Variants in FAM167A observed in about 807,000 individuals in gnomAD.
FAM167A encodes protein FAM167A.
In FAM167A, 23 loss-of-function variants were observed where a neutral mutation model predicts 14.9. The ratio of observed to expected loss-of-function variants is 1.55; its 90% CI spans 1.11 to 2.19. The LOEUF is 2.19. Among genes scored for constraint, FAM167A ranks in the 30% most tolerant of loss-of-function variants. The pLI, the probability that FAM167A is intolerant of heterozygous loss-of-function variation, is 0.00. For missense variants in FAM167A, 401 were observed against 281.5 expected (o/e 1.42, Z -3.04); for synonymous variants, 174 against 117.7 (o/e 1.48, Z -3.10).
intron 1 of FAM167A, among the ~76,000 whole-genome samples, chr8:11,446,190 G>A (rs934021000): frequency 3.3e-5 from 5 of 152,146 alleles, no homozygotes; most frequent in Non-Finnish European, 2.9e-5. Context: ...ATTCCTCTCC[G>A]ACATGGCACG....
intron 1 of FAM167A, among the ~76,000 whole-genome samples, chr8:11,447,774 G>A (rs537585535): frequency 6.6e-5 from 10 of 152,342 alleles, no homozygotes; most frequent in Non-Finnish European, 1.0e-4. Flanking sequence ...GCTTTGTGAC[G>A]CTGGCACATT....
At chr8:11,471,022 G>A (rs114006218), upstream of FAM167A, among the ~76,000 whole-genome samples, 1 of 152,324 alleles carries the variant, frequency 6.6e-6, no homozygotes, top group African/African-American at 2.4e-5. Context: ...GCCACCCGGG[G>A]GCTAGACATG....
At chr8:11,443,773 T>G in intron 2 of FAM167A, 1 of 473,422 alleles carries the variant, frequency 2.1e-6, no homozygotes, top group East Asian at 4.2e-5. Context: ...TAACATGGGT[T>G]CAGGTTCTGC....
At chr8:11,436,712 G>T (rs189585469) in intron 2 of FAM167A, among the ~76,000 whole-genome samples, 2 of 152,188 alleles carry the variant, frequency 1.3e-5, no homozygotes, top group East Asian at 3.9e-4. Flanking sequence ...AGTGCCCTGG[G>T]GTCACCTGAG....
intron 1 of FAM167A, among the ~76,000 whole-genome samples, chr8:11,447,860 G>C (rs1806854014): frequency 6.6e-6 from 1 of 152,238 alleles, no homozygotes; most frequent in South Asian, 2.1e-4. Flanking sequence ...TAATTCACAA[G>C]GCTCAGTATG....
At chr8:11,429,614 G>C (rs1192935917) in intron 2 of FAM167A, among the ~76,000 whole-genome samples, 1 of 152,254 alleles carries the variant, frequency 6.6e-6, no homozygotes, top group Non-Finnish European at 1.5e-5. Context: ...TAAAGGAACG[G>C]CTCATGGCCA....
intron 1 of FAM167A, among the ~76,000 whole-genome samples, chr8:11,465,354 C>T (rs1807719793): frequency 6.6e-6 from 1 of 152,166 alleles, no homozygotes. Context: ...ACTCTCTGCT[C>T]TCTCACCAGG....
At position 11,424,247 on chromosome 8, in the gene FAM167A, T is replaced by G; in HGVS notation, c.*126A>C. 1.5e-6 allele frequency: 2 copies of G among 1,292,522 alleles called. No individual in the cohort carries two copies. Among genetic ancestry groups the G allele is most frequent in the Non-Finnish European group, 2.1e-6 (2 of 939,480 alleles). The allele number at this position is 1,292,522 out of a possible 1,614,324, so 80.1% of individuals were successfully genotyped here. On this transcript the variant is annotated 3_prime_UTR_variant, in exon 3 of 3. Transcript: ENST00000284486. ...ACCACTGAATAGGTCCTGGGGCCCT[T>G]GAGTCGCCAGTCCCAGGGACCCCTG... is the stretch of plus-strand genomic sequence containing the variant.
chr8:11,425,434 T>G (rs751744171), intron 2 of FAM167A, among the ~76,000 whole-genome samples: 7 of 152,188 alleles, frequency 4.6e-5, no homozygotes, highest in Non-Finnish European at 1.0e-4. Flanking sequence ...GTTCTGCTGC[T>G]CAAGGACGAG....
chr8:11,456,643 C>A (rs113868559), intron 1 of FAM167A, among the ~76,000 whole-genome samples: 6 of 151,332 alleles, frequency 4.0e-5, no homozygotes, highest in African/African-American at 1.5e-4. Flanking sequence ...GAGGTGGTTG[C>A]TCTATTGGGT....
chr8:11,444,186 G>A lies in FAM167A; in HGVS notation c.226C>T (p.Arg76Cys), dbSNP rs141133384. Residue 76 changes from arginine (R) to cysteine (C), a missense_variant, in exon 2 of 3, where the codon CGT becomes TGT. Physicochemically the swap from Arg to Cys is radical, Grantham distance 180 (BLOSUM62 -3). Transcript: ENST00000284486. ...GGGAGCAAGGGCTCCTGCCCCCCAC[G>A]CTCCCCCTCCTCCAAGCTCGCCTGT... ...EPQASLEEGE[R>C]GGQEPLLPLR... The A allele has an allele frequency of 2.4e-4, 389 of 1,612,928 alleles. 1 individual carries two copies. The Middle Eastern group carries it at 2.5e-3, about 10-fold the overall frequency.
intron 1 of FAM167A, among the ~76,000 whole-genome samples, chr8:11,459,183 T>C (rs6601591): frequency 0.067 from 10,136 of 152,274 alleles, 742 homozygotes; most frequent in African/African-American, 0.18. Flanking sequence ...GTGCAATATC[T>C]AGTTTAGCCC....
intron 2 of FAM167A, among the ~76,000 whole-genome samples, chr8:11,426,477 C>T (rs745520078): frequency 1.3e-5 from 2 of 152,180 alleles, no homozygotes; most frequent in African/African-American, 2.4e-5. Flanking sequence ...ATAATTATTT[C>T]TCACCTGGCT....
chr8:11,470,459 A>G (rs547337056), upstream of FAM167A, among the ~76,000 whole-genome samples: 1 of 152,310 alleles, frequency 6.6e-6, no homozygotes, highest in East Asian at 1.9e-4. Context: ...CATCAGAGAC[A>G]GGGCAGGGCA....
At chr8:11,436,579 G>T (rs1185354989) in intron 2 of FAM167A, among the ~76,000 whole-genome samples, 2 of 152,188 alleles carry the variant, frequency 1.3e-5, no homozygotes, top group African/African-American at 4.8e-5. Context: ...TCCCCTGCAC[G>T]GCCTTCTCAA....
intron 1 of FAM167A, among the ~76,000 whole-genome samples, chr8:11,447,316 G>C (rs1385885335): frequency 6.6e-6 from 1 of 152,054 alleles, no homozygotes; most frequent in Non-Finnish European, 1.5e-5. Context: ...CGAGTAGCTG[G>C]GGTTACAGGC....
chr8:11,438,568 T>C (rs1283427362), intron 2 of FAM167A: 3 of 444,100 alleles, frequency 6.8e-6, no homozygotes, highest in South Asian at 1.6e-5. Flanking sequence ...TTATACATGA[T>C]ATATTCCTAT....
intron 2 of FAM167A, among the ~76,000 whole-genome samples, chr8:11,425,178 G>T (rs1805051262): frequency 6.6e-6 from 1 of 152,198 alleles, no homozygotes; most frequent in African/African-American, 2.4e-5. Flanking sequence ...AACAAAAATT[G>T]GTTCCTAGGT....
At chr8:11,445,243 C>T (rs1428822754) in intron 1 of FAM167A, 1 of 985,362 alleles carries the variant, frequency 1.0e-6, no homozygotes, top group Non-Finnish European at 1.2e-6. Context: ...GGGGGGTCCC[C>T]AGAGCCAGCC....
Sources: allele counts gnomAD v4.1 joint callset (sites outside exome capture counted in the v4.1 genomes callset), GRCh38; gene constraint gnomAD v4.1.1; transcripts MANE v1.5; gene names NCBI Gene and HGNC (gene_info 2026-07-23, HGNC 2026-07-21).